Variants in CNTNAP2 observed in about 807,000 individuals in gnomAD.
The protein encoded by CNTNAP2 is contactin associated protein 2.
A neutral mutation model predicts 155.2 loss-of-function variants in CNTNAP2; 98 were observed. The observed-to-expected ratio is 0.63, with a 90% confidence interval of 0.54 to 0.75. The LOEUF is 0.75. CNTNAP2 is among the 30% of genes least tolerant of loss of function. CNTNAP2 has a pLI of 0.00. For missense variants in CNTNAP2, 1,727 were observed against 1,688.1 expected, an observed-to-expected ratio of 1.02 and a Z score of -0.40; for synonymous variants, 651 against 631.2, an observed-to-expected ratio of 1.03 and a Z score of -0.47.
intron 15 of CNTNAP2, among the ~76,000 whole-genome samples, chr7:148,015,500 C>G (rs542921851): frequency 2.6e-5 from 4 of 152,172 alleles, no homozygotes; most frequent in African/African-American, 7.2e-5. Flanking sequence ...TCACAGAGAA[C>G]GAGCATTTTT....
At chr7:146,571,102 T>A (rs566796225) in intron 1 of CNTNAP2, among the ~76,000 whole-genome samples, 1 of 152,258 alleles carries the variant, frequency 6.6e-6, no homozygotes, top group East Asian at 1.9e-4. Flanking sequence ...GAAAAAGATG[T>A]CTTCTGAATA....
intron 9 of CNTNAP2, among the ~76,000 whole-genome samples, chr7:147,339,359 A>C (rs955718548): frequency 2.0e-5 from 3 of 152,110 alleles, no homozygotes; most frequent in African/African-American, 7.2e-5. Context: ...TTCCCATAAC[A>C]GTAGGTCATT....
intron 3 of CNTNAP2, among the ~76,000 whole-genome samples, chr7:146,925,626 G>A (rs543600465): frequency 1.3e-5 from 2 of 152,222 alleles, no homozygotes; most frequent in South Asian, 4.1e-4. Flanking sequence ...AACTGTCCTT[G>A]CTATGTAGTA....
chr7:147,351,796 A>C (rs1795971929), intron 9 of CNTNAP2, among the ~76,000 whole-genome samples: 1 of 151,908 alleles, frequency 6.6e-6, no homozygotes, highest in African/African-American at 2.4e-5. Flanking sequence ...CTAAATCTTC[A>C]ATGGTAGCTA....
At chr7:147,016,227 C>G (rs540334454) in intron 3 of CNTNAP2, among the ~76,000 whole-genome samples, 2 of 151,882 alleles carry the variant, frequency 1.3e-5, no homozygotes, top group South Asian at 2.1e-4. Context: ...CACTGTCAGT[C>G]TTTTAATCTA....
At chr7:148,052,754 A>G (rs774325232) in intron 15 of CNTNAP2, among the ~76,000 whole-genome samples, 2 of 152,256 alleles carry the variant, frequency 1.3e-5, no homozygotes, top group African/African-American at 2.4e-5. Flanking sequence ...TTCCTTAAAA[A>G]TAAGTCTCCT....
At chr7:147,805,066 T>G (rs1349119160) in intron 13 of CNTNAP2, among the ~76,000 whole-genome samples, 2 of 150,260 alleles carry the variant, frequency 1.3e-5, no homozygotes, top group Non-Finnish European at 3.0e-5. Context: ...TGACAAATGA[T>G]TCAATATCAT....
intron 1 of CNTNAP2, among the ~76,000 whole-genome samples, chr7:146,644,865 G>T (rs554172754): frequency 6.6e-6 from 1 of 151,994 alleles, no homozygotes; most frequent in African/African-American, 2.4e-5. Flanking sequence ...AACGAGTCCA[G>T]GACCAGATGG....
At chr7:148,301,536 A>G (rs1797392185) in intron 21 of CNTNAP2, among the ~76,000 whole-genome samples, 1 of 152,078 alleles carries the variant, frequency 6.6e-6, no homozygotes, top group Non-Finnish European at 1.5e-5. Context: ...AGTTGGAGAG[A>G]TGAAATGCAG....
intron 8 of CNTNAP2, among the ~76,000 whole-genome samples, chr7:147,220,594 T>C (rs1194393822): frequency 6.6e-6 from 1 of 152,252 alleles, no homozygotes; most frequent in East Asian, 1.9e-4. Flanking sequence ...TTTGTATTTG[T>C]TGCCTTTCTT....
chr7:146,759,536 A>C (rs1299949823), intron 1 of CNTNAP2, among the ~76,000 whole-genome samples: 1 of 152,010 alleles, frequency 6.6e-6, no homozygotes, highest in Non-Finnish European at 1.5e-5. Context: ...TACTAAAAAT[A>C]CAAAAAAAAT....
chr7:146,463,059 G>A (rs534774787), intron 1 of CNTNAP2, among the ~76,000 whole-genome samples: 7 of 152,224 alleles, frequency 4.6e-5, no homozygotes, highest in Non-Finnish European at 8.8e-5. Context: ...AGGGCAGAAA[G>A]AGGAAGTTGA....
intron 1 of CNTNAP2, among the ~76,000 whole-genome samples, chr7:146,271,157 T>C (rs1285745369): frequency 3.9e-5 from 6 of 152,142 alleles, no homozygotes; most frequent in African/African-American, 1.4e-4. Flanking sequence ...AAAAGAGTCT[T>C]ACACCTTTTC....
rs1805303652 is a variant in CNTNAP2, at chr7:148,151,923, A to T, written c.2773+4214A>T. 2.6e-5 allele frequency among the ~76,000 whole-genome samples: 4 copies of T among 152,136 alleles called. No homozygotes were observed. In the South Asian group the frequency reaches 8.3e-4, roughly 31 times the overall value. On this transcript the variant is annotated intron_variant, in intron 17 of 23. Transcript: ENST00000361727. ...CAAGAAATCAGAAGTTCATCTGAAA[A>T]CATCACACCAGCATCCCTGCAACAG...
intron 1 of CNTNAP2, among the ~76,000 whole-genome samples, chr7:146,691,254 T>G (rs1800693098): frequency 1.3e-5 from 2 of 151,852 alleles, no homozygotes; most frequent in Non-Finnish European, 2.9e-5. Context: ...CTAAGCAATA[T>G]GTTCAATGAG....
chr7:147,166,824 T>G (rs1358531594), intron 8 of CNTNAP2, among the ~76,000 whole-genome samples: 3 of 152,038 alleles, frequency 2.0e-5, no homozygotes, highest in African/African-American at 7.2e-5. Flanking sequence ...CACAAGACAA[T>G]GTCATCAATT....
chr7:147,257,300 A>G (rs573002969), intron 8 of CNTNAP2, among the ~76,000 whole-genome samples: 1 of 152,324 alleles, frequency 6.6e-6, no homozygotes, highest in East Asian at 1.9e-4. Flanking sequence ...CTTACACAGA[A>G]GTCTGTTGAA....
chr7:147,642,009 TGC>T (rs1563035230), intron 13 of CNTNAP2, among the ~76,000 whole-genome samples: 2 of 136,566 alleles, frequency 1.5e-5, no homozygotes, highest in African/African-American at 5.6e-5. Context: ...TGTGTGTGTG[TGC>T]GTGTGTGTGT....
chr7:146,264,796 AGAGG>A (rs1486797158), intron 1 of CNTNAP2, among the ~76,000 whole-genome samples: 2 of 152,224 alleles, frequency 1.3e-5, no homozygotes, highest in African/African-American at 4.8e-5. Context: ...TGTGGAAGCT[AGAGG>A]TGATAGCCAT....
Sources: allele counts gnomAD v4.1 joint callset (sites outside exome capture counted in the v4.1 genomes callset), GRCh38; gene constraint gnomAD v4.1.1; transcripts MANE v1.5; gene names NCBI Gene and HGNC (gene_info 2026-07-23, HGNC 2026-07-21).